Variants in ZBTB11 observed in about 807,000 individuals in gnomAD.
ZBTB11 encodes zinc finger and BTB domain-containing protein 11.
In ZBTB11, 68 loss-of-function variants were observed where a neutral mutation model predicts 113.1. The observed-to-expected ratio is 0.60, with a 90% CI of 0.49 to 0.74. The LOEUF (loss-of-function observed/expected upper bound fraction) is 0.74, where lower values mean the gene tolerates loss of function less well. Among genes scored for constraint, ZBTB11 ranks in the 30% least tolerant of loss-of-function variants. The pLI is 0.00. For synonymous variants in ZBTB11, 518 were observed against 452.6 expected, an observed-to-expected ratio of 1.14 and a Z score of -1.83; for missense variants, 1,104 against 1,279.4, an observed-to-expected ratio of 0.86 and a Z score of 2.09.
At chr3:101,664,803 A>G (rs901380498) in intron 4 of ZBTB11, 89 bp from the exon 5 acceptor site, 5 of 1,483,568 alleles carry the variant, frequency 3.4e-6, no homozygotes, top group Non-Finnish European at 3.6e-6. Context: ...AAAAGATTTC[A>G]AATTCACATT....
At chr3:101,654,419 GA>G (rs1394216258) in intron 8 of ZBTB11, among the ~76,000 whole-genome samples, 8 of 152,172 alleles carry the variant, frequency 5.3e-5, no homozygotes, top group African/African-American at 7.2e-5. Context: ...AAATGAAGAA[GA>G]GGGGGGGAAA....
intron 3 of ZBTB11, among the ~76,000 whole-genome samples, chr3:101,669,385 T>C (rs138294252): frequency 2.0e-5 from 3 of 152,332 alleles, no homozygotes; most frequent in East Asian, 1.9e-4. Context: ...TCACCTATGA[T>C]TGGCTTACAT....
chr3:101,666,129 T>C (rs904530347), intron 3 of ZBTB11, among the ~76,000 whole-genome samples: 2 of 151,894 alleles, frequency 1.3e-5, no homozygotes, highest in Non-Finnish European at 2.9e-5. Flanking sequence ...TGCTGGAGGA[T>C]GGAGGGTTAA....
intron 3 of ZBTB11, chr3:101,670,909 A>C: frequency 2.1e-6 from 1 of 482,678 alleles, no homozygotes. Context: ...TTTTTCTGCT[A>C]TAATTGTCTC....
chr3:101,658,319 G>A lies in ZBTB11; in HGVS notation c.2046+1464C>T, dbSNP rs186475505. Among the ~76,000 whole-genome samples, 7 of 150,554 alleles carry A rather than the reference G, an allele frequency of 4.6e-5. No homozygotes were observed. The East Asian group carries it at 5.9e-4, about 13-fold the overall frequency. ...CGGCTCACTGCAACCTCTGCCTCCC[G>A]GGTTCAAGCAATTCTCCTGCCTCAG... On this transcript the variant is annotated intron_variant, in intron 6 of 10. Coordinates refer to ENST00000312938, the MANE Select transcript of ZBTB11 (RefSeq NM_014415.4).
At chr3:101,675,872 A>AAC (rs1937158740) in intron 1 of ZBTB11, among the ~76,000 whole-genome samples, 1 of 152,122 alleles carries the variant, frequency 6.6e-6, no homozygotes, top group African/African-American at 2.4e-5. Context: ...AGGCGGGAGG[A>AAC]TGGCTTGAGG....
chr3:101,651,453 T>A lies in ZBTB11; in HGVS notation c.2875A>T (p.Thr959Ser). The part of the protein sequence containing the change: ...KDTLQFHNQG[T>S]QVAHAVSILT... ...ATGCTAACAGCATGTGCCACTTGAGTTCCTTGGTTATGAAACTGAAGGGTG... is the reference window on the plus strand; with the variant it reads ...ATGCTAACAGCATGTGCCACTTGAGATCCTTGGTTATGAAACTGAAGGGTG... Residue 959 changes from threonine (T) to serine (S), a missense_variant, in exon 11 of 11, where the codon ACT becomes TCT. By Grantham distance (58) the Thr-to-Ser change is moderately conservative. This residue lies in a region of ZBTB11 where 148 missense variants were observed against 259.3 expected (regional missense o/e 0.57). Transcript: ENST00000312938. 6.2e-7 allele frequency: 1 copy of A among 1,614,166 alleles called. No homozygotes were observed.
intron 3 of ZBTB11, among the ~76,000 whole-genome samples, chr3:101,668,307 A>C (rs995778865): frequency 6.6e-6 from 1 of 152,170 alleles, no homozygotes; most frequent in African/African-American, 2.4e-5. Context: ...ACCGCAAGGT[A>C]TATAGTTAAC....
At chr3:101,657,856 A>G (rs1329735423) in intron 6 of ZBTB11, among the ~76,000 whole-genome samples, 1 of 151,924 alleles carries the variant, frequency 6.6e-6, no homozygotes, top group Non-Finnish European at 1.5e-5. Flanking sequence ...AAAAAAAATT[A>G]GGTGGGTGTG....
rs767051867 is a variant in ZBTB11 at position 101,654,749 on chromosome 3, T to C, written c.2264A>G (p.Lys755Arg). 3 of 1,614,222 alleles carry C rather than the reference T, an allele frequency of 1.9e-6. No individual in the cohort carries two copies. Among genetic ancestry groups the C allele is most frequent in the Non-Finnish European group, 2.5e-6 (3 of 1,180,032 alleles). ...HRGSGLSKHF[K>R]KHQPKPEVRG... is the part of the protein sequence containing the mutation. Reference sequence around the variant, plus strand: ...AACCTCAGGCTTTGGTTGGTGTTTCTTGAAGTGCTTGCTGAGTCCAGAGCC... The same window carrying C: ...AACCTCAGGCTTTGGTTGGTGTTTCCTGAAGTGCTTGCTGAGTCCAGAGCC... Residue 755 changes from lysine to arginine, a missense_variant, in exon 8 of 11, where the codon AAG becomes AGG. Around this residue, in one of 5 missense-constraint regions of ZBTB11, gnomAD observed 535 missense variants for 518.6 expected, o/e 1.03. Coordinates refer to ENST00000312938, the MANE Select transcript of ZBTB11 (RefSeq NM_014415.4).
intron 8 of ZBTB11, among the ~76,000 whole-genome samples, chr3:101,654,278 T>TG (rs1936755632): frequency 6.6e-6 from 1 of 152,166 alleles, no homozygotes; most frequent in Non-Finnish European, 1.5e-5. Flanking sequence ...TGACTTCAGA[T>TG]GATCTGCCCG....
chr3:101,667,339 C>T (rs1407046150), intron 3 of ZBTB11, among the ~76,000 whole-genome samples: 2 of 152,188 alleles, frequency 1.3e-5, no homozygotes, highest in African/African-American at 4.8e-5. Context: ...TACACCTAGA[C>T]GGAGGCAAAT....
rs530258478 is a variant in ZBTB11 at position 101,670,045 on chromosome 3, C to T, written c.778+1085G>A. ...GTTTCTCCATGTTGATCAGGCTGGT[C>T]TCAAACCCATGACCTCAGGTGATCC... On this transcript the variant is annotated intron_variant, in intron 3 of 10. Coordinates refer to ENST00000312938, the MANE Select transcript of ZBTB11 (RefSeq NM_014415.4). Among the ~76,000 whole-genome samples the T allele has an allele frequency of 2.0e-5, 3 of 152,214 alleles. No homozygotes were observed. In the South Asian group the frequency reaches 6.2e-4, roughly 32 times the overall value.
chr3:101,653,080 A>G, intron 8 of ZBTB11, 142 bp from the exon 9 acceptor site: 2 of 883,440 alleles, frequency 2.3e-6, no homozygotes, highest in Non-Finnish European at 3.3e-6. Context: ...CTAATCTTAC[A>G]TAAAGGCTAC....
Position 101,654,762 on chromosome 3 carries a change from T to G in ZBTB11, c.2251A>C (p.Ser751Arg). The change falls in exon 8 of 11, where the codon AGC (serine) becomes CGC (arginine). Residue 751 changes from serine (S) to arginine (R), a missense_variant. This residue lies in a region of ZBTB11 where 535 missense variants were observed against 518.6 expected (regional missense o/e 1.03). Coordinates refer to ENST00000312938, the MANE Select transcript of ZBTB11 (RefSeq NM_014415.4). ...GGTTGGTGTTTCTTGAAGTGCTTGC[T>G]GAGTCCAGAGCCCCTATGAAAAGAC... ...GKSFHRGSGL[S>R]KHFKKHQPKP... is the part of the protein sequence containing the mutation. 6.2e-7 allele frequency: 1 copy of G among 1,614,220 alleles called. No individual in the cohort carries two copies. Among genetic ancestry groups the G allele is most frequent in the Non-Finnish European group, 8.5e-7 (1 of 1,180,032 alleles).
At chr3:101,660,171 T>C in intron 5 of ZBTB11, 143 bp from the exon 6 acceptor site, 1 of 825,538 alleles carries the variant, frequency 1.2e-6, no homozygotes, top group Non-Finnish European at 1.8e-6. Context: ...TACTAGATTG[T>C]AAAGATAAAA....
chr3:101,666,148 A>G (rs906229582), intron 3 of ZBTB11, among the ~76,000 whole-genome samples: 2 of 152,196 alleles, frequency 1.3e-5, no homozygotes, highest in African/African-American at 4.8e-5. Context: ...AAAAAAAAAG[A>G]GGAAGACAGG....
In ZBTB11 at chr3:101,665,246, A is replaced by G. The variant is rs147349822; in HGVS notation, c.1341T>C (p.Ile447=). The G allele has an allele frequency of 1.6e-4, 266 of 1,614,098 alleles. No homozygotes were observed. The African/African-American group carries it at 3.4e-3, about 20-fold the overall frequency. Residue 447 remains isoleucine, a synonymous_variant, in exon 4 of 11, where the codon ATT becomes ATC. Transcript: ENST00000312938. The part of the protein sequence containing the change: ...IHPKLSKENV[I]SSSPEDSGMG... ...TACCACTATCCTCTGGCGAGCTACTAATTACATTCTCTTTTGAAAGTTTAG... is the reference window on the plus strand; with the variant it reads ...TACCACTATCCTCTGGCGAGCTACTGATTACATTCTCTTTTGAAAGTTTAG...
chr3:101,675,886 GA>G (rs1937159053), intron 1 of ZBTB11, among the ~76,000 whole-genome samples: 1 of 152,160 alleles, frequency 6.6e-6, no homozygotes. Flanking sequence ...CTTGAGGCCA[GA>G]TGGAGACCAG....
Sources: gnomAD v4.1 joint callset for allele counts (sites outside exome capture counted in the v4.1 genomes callset) on GRCh38, gnomAD v4.1.1 for gene constraint, gnomAD v4.1.1 regional missense constraint, MANE v1.5 for transcripts, NCBI Gene and HGNC (gene_info 2026-07-23, HGNC 2026-07-21) for gene names.